Variants in OXR1 observed in about 807,000 individuals in gnomAD.
OXR1 encodes the protein oxidation resistance 1.
Under a neutral mutation model 104.6 loss-of-function variants are expected in OXR1, and 41 were observed. That is an observed-to-expected ratio of 0.39 (90% CI 0.31 to 0.51). The LOEUF (loss-of-function observed/expected upper bound fraction) is 0.51. Ranked by LOEUF, OXR1 falls within the 20% of genes least tolerant of loss-of-function variation. The probability of loss-of-function intolerance (pLI) is 0.77; values close to 1 mark genes in which losing one functional copy is unlikely to be tolerated. For missense variants in OXR1, 955 were observed against 1,031.9 expected, an observed-to-expected ratio of 0.93 and a Z score of 1.02; for synonymous variants, 348 against 348.4, an observed-to-expected ratio of 1.00 and a Z score of 0.01.
intron 3 of OXR1, among the ~76,000 whole-genome samples, chr8:106,588,983 G>A (rs1818862855): frequency 6.6e-6 from 1 of 152,210 alleles, no homozygotes; most frequent in African/African-American, 2.4e-5. Flanking sequence ...ACTAACAAGA[G>A]CGATGTCTGG....
At chr8:106,743,149 A>G (rs1297077744) in intron 15 of OXR1, among the ~76,000 whole-genome samples, 1 of 152,132 alleles carries the variant, frequency 6.6e-6, no homozygotes, top group East Asian at 1.9e-4. Flanking sequence ...AAGAAGACAT[A>G]CATGTGGCCA....
At chr8:106,633,657 T>C (rs1563657145) in intron 3 of OXR1, among the ~76,000 whole-genome samples, 1 of 152,190 alleles carries the variant, frequency 6.6e-6, no homozygotes, top group Non-Finnish European at 1.5e-5. Flanking sequence ...TCAAAGTTAC[T>C]CTGTGCTGAT....
chr8:106,592,587 A>G (rs898994620), intron 3 of OXR1, among the ~76,000 whole-genome samples: 1 of 152,196 alleles, frequency 6.6e-6, no homozygotes, highest in African/African-American at 2.4e-5. Flanking sequence ...AGAAGAAGCC[A>G]GGCTTTTGAA....
At chr8:106,531,529 G>C (rs190656501) in intron 3 of OXR1, among the ~76,000 whole-genome samples, 1 of 152,270 alleles carries the variant, frequency 6.6e-6, no homozygotes, top group East Asian at 1.9e-4. Context: ...TTCTGAGCTA[G>C]AGGGGGCAAA....
intron 3 of OXR1, among the ~76,000 whole-genome samples, chr8:106,566,039 A>G (rs891711353): frequency 2.6e-5 from 4 of 152,236 alleles, no homozygotes; most frequent in African/African-American, 9.6e-5. Context: ...AATCCTAGGC[A>G]ATATCATTCA....
chr8:106,439,905 G>C (rs191727549), intron 2 of OXR1, among the ~76,000 whole-genome samples: 1 of 152,106 alleles, frequency 6.6e-6, no homozygotes, highest in Non-Finnish European at 1.5e-5. Flanking sequence ...AAGCTCTTAT[G>C]TGAATAAAAT....
chr8:106,275,453 T>A (rs1050474362), intron 1 of OXR1, among the ~76,000 whole-genome samples: 10 of 152,216 alleles, frequency 6.6e-5, no homozygotes, highest in African/African-American at 9.7e-5. Context: ...AGTTTTGTTC[T>A]AATGGTGTTT....
At chr8:106,652,887 A>G (rs1383188955) in intron 3 of OXR1, among the ~76,000 whole-genome samples, 1 of 151,684 alleles carries the variant, frequency 6.6e-6, no homozygotes, top group Non-Finnish European at 1.5e-5. Flanking sequence ...AGATCGAGCA[A>G]GAAAAAAACA....
chr8:106,362,824 G>C (rs1816301331), intron 2 of OXR1, among the ~76,000 whole-genome samples: 1 of 152,166 alleles, frequency 6.6e-6, no homozygotes, highest in African/African-American at 2.4e-5. Flanking sequence ...ACAAAATACT[G>C]GTCAGCATAT....
At chr8:106,682,850 GT>G (rs11304521) in intron 4 of OXR1, among the ~76,000 whole-genome samples, 2,629 of 152,246 alleles carry the variant, frequency 0.017, 55 homozygotes, top group African/African-American at 0.06. Flanking sequence ...GTTGCTAGAA[GT>G]CACATATATT....
At chr8:106,670,396 G>T (rs568945610) in intron 3 of OXR1, among the ~76,000 whole-genome samples, 2 of 152,050 alleles carry the variant, frequency 1.3e-5, no homozygotes, top group Non-Finnish European at 2.9e-5. Context: ...TTTGTCAGAC[G>T]ATTTTGCAAA....
At chr8:106,566,784 G>A (rs187885970) in intron 3 of OXR1, among the ~76,000 whole-genome samples, 94 of 152,192 alleles carry the variant, frequency 6.2e-4, no homozygotes, top group Middle Eastern at 3.4e-3. Flanking sequence ...AAAATACTAC[G>A]CATCCATAAA....
At chr8:106,286,804 C>T (rs1454783874) in intron 1 of OXR1, among the ~76,000 whole-genome samples, 1 of 152,016 alleles carries the variant, frequency 6.6e-6, no homozygotes, top group Non-Finnish European at 1.5e-5. Flanking sequence ...TATTGTTCAA[C>T]GAATAAGATA....
Position 106,713,948 on chromosome 8 carries a change from A to G in OXR1, c.1919A>G (p.Glu640Gly), listed in dbSNP as rs146180601. The G allele has an allele frequency of 3.8e-6, 6 of 1,586,684 alleles. No homozygotes were observed. Among genetic ancestry groups the G allele is most frequent in the Non-Finnish European group, 5.1e-6 (6 of 1,172,088 alleles). ...VKKIEESETIEDSSNQAAARE... is the reference protein window; with the variant it reads ...VKKIEESETIGDSSNQAAARE... ...AAGATTGAGGAGTCTGAAACAATTG[A>G]GGATTCTAGTAATCAAGCAGCAGCC... Residue 640 changes from glutamate to glycine, a missense_variant, in exon 11 of 17, where the codon GAG (glutamate) becomes GGG (glycine). Around this residue, in one of 2 missense-constraint regions of OXR1, gnomAD observed 849 missense variants for 852.9 expected, o/e 1.00. Coordinates refer to ENST00000517566, the MANE Select transcript of OXR1 (RefSeq NM_001198533.2).
At chr8:106,603,775 G>A (rs13272695) in intron 3 of OXR1, among the ~76,000 whole-genome samples, 18,301 of 152,096 alleles carry the variant, frequency 0.12, 1,395 homozygotes, top group East Asian at 0.34. Context: ...GAACAGGGCC[G>A]GGCACAGTGG....
intron 3 of OXR1, among the ~76,000 whole-genome samples, chr8:106,521,851 T>C (rs1276118508): frequency 1.3e-5 from 2 of 152,110 alleles, no homozygotes; most frequent in Non-Finnish European, 2.9e-5. Context: ...TGGAGTGATA[T>C]TTTTACCACA....
In OXR1 at chr8:106,526,565, C is replaced by T. The variant is rs190365155; in HGVS notation, c.220+7426C>T. ...TTGGTTTTTTGTTTGTTTTTTGAGA[C>T]GGAGTCTCGCTCTGTCGCCCAGGCT... On this transcript the variant is annotated intron_variant, in intron 3 of 16. Coordinates refer to ENST00000517566, the MANE Select transcript of OXR1 (RefSeq NM_001198533.2). Among the ~76,000 whole-genome samples, 383 of 152,296 alleles carry T rather than the reference C, an allele frequency of 2.5e-3. 3 individuals carry two copies. The highest frequency in any genetic ancestry group is 8.7e-3 in the African/African-American group (360 of 41,560).
chr8:106,499,380 G>T (rs1811628351), intron 2 of OXR1, among the ~76,000 whole-genome samples: 1 of 152,084 alleles, frequency 6.6e-6, no homozygotes, highest in Admixed American at 6.6e-5. Flanking sequence ...CCTAAGTCAG[G>T]GGAAAGAGTG....
intron 11 of OXR1, among the ~76,000 whole-genome samples, chr8:106,717,360 G>C (rs1256503335): frequency 6.6e-6 from 1 of 151,810 alleles, no homozygotes; most frequent in African/African-American, 2.4e-5. Flanking sequence ...TTATTTTTTT[G>C]TTCTACAAAG....
Sources: gnomAD v4.1 joint callset for allele counts (sites outside exome capture counted in the v4.1 genomes callset) on GRCh38, gnomAD v4.1.1 for gene constraint, gnomAD v4.1.1 regional missense constraint, MANE v1.5 for transcripts, NCBI Gene and HGNC (gene_info 2026-07-23, HGNC 2026-07-21) for gene names.